The following GPR137B variants were observed in gnomAD, a reference collection of about 807,000 sequenced individuals.
GPR137B encodes integral membrane protein GPR137B.
A neutral mutation model predicts 42.5 loss-of-function variants in GPR137B; 42 were observed. The ratio of observed to expected loss-of-function variants is 0.99; its 90% CI spans 0.77 to 1.28. The LOEUF is 1.28. Among genes scored for constraint, GPR137B ranks in the 50% most tolerant of loss-of-function variants. GPR137B has a pLI of 0.00. For missense variants in GPR137B, 487 were observed against 493.9 expected, an observed-to-expected ratio of 0.99 and a Z score of 0.13; for synonymous variants, 218 against 209.7, an observed-to-expected ratio of 1.04 and a Z score of -0.34.
Position 236,142,805 on chromosome 1 carries a change from CG to C in GPR137B, c.184del (p.Val62CysfsTer70), listed in dbSNP as rs762063403. ...FYALLFVFIY[V>X]QLWLVLRYRH... is the part of the protein sequence containing the mutation. ...ACGCGCTGCTCTTCGTGTTCATCTA[CG>C]TGCAGCTCTGGCTGGTGCTGCGTTA... is the stretch of plus-strand genomic sequence containing the variant. On this transcript the variant is annotated frameshift_variant, in exon 1 of 7. Transcript: ENST00000366592. LOFTEE classifies it high-confidence loss of function. The C allele has an allele frequency of 2.9e-5, 47 of 1,613,946 alleles. No individual in the cohort carries two copies. The South Asian group carries it at 4.9e-4, about 17-fold the overall frequency.
rs751224878 is a variant in GPR137B at position 236,155,552 on chromosome 1, G to A, written c.414+12516G>A. ...TGGGAGGTGTGCTCTCTAGAGTCCC[G>A]TCTCCTCGCGGGCTGCCTGCTGGGC... is the stretch of plus-strand genomic sequence containing the variant. On this transcript the variant is annotated intron_variant, in intron 1 of 6. Coordinates refer to ENST00000366592, the MANE Select transcript of GPR137B (RefSeq NM_003272.4). The surrounding 1 kb of genome is among the most constrained non-coding windows in gnomAD (Gnocchi z 4.6). Among the ~76,000 whole-genome samples, 68 of 152,104 alleles carry A rather than the reference G, an allele frequency of 4.5e-4. No homozygotes were observed. Among genetic ancestry groups the A allele is most frequent in the Non-Finnish European group, 5.0e-4 (34 of 68,006 alleles).
At chr1:236,190,799 G>C (rs1159724596) in intron 5 of GPR137B, among the ~76,000 whole-genome samples, 1 of 149,984 alleles carries the variant, frequency 6.7e-6, no homozygotes, top group African/African-American at 2.4e-5. Flanking sequence ...TGAATCTGAC[G>C]ATTATGTGTC....
chr1:236,151,820 C>T (rs1172685882), intron 1 of GPR137B, among the ~76,000 whole-genome samples: 2 of 152,162 alleles, frequency 1.3e-5, no homozygotes, highest in East Asian at 3.9e-4. Context: ...GTGGGGTTGG[C>T]TCTGTGGGCT....
At chr1:236,146,536 C>T (rs780075192) in intron 1 of GPR137B, among the ~76,000 whole-genome samples, 3 of 152,184 alleles carry the variant, frequency 2.0e-5, no homozygotes, top group Non-Finnish European at 4.4e-5. Context: ...ACTCATCTCA[C>T]CCTCCCTGGT....
intron 1 of GPR137B, among the ~76,000 whole-genome samples, chr1:236,148,989 G>C (rs1242689462): frequency 6.6e-6 from 1 of 152,128 alleles, no homozygotes; most frequent in South Asian, 2.1e-4. Context: ...GTCGGAGTGG[G>C]TTAAAGGAGA....
At chr1:236,180,723 TCTC>T (rs1417385893) in intron 4 of GPR137B, among the ~76,000 whole-genome samples, 1 of 151,776 alleles carries the variant, frequency 6.6e-6, no homozygotes, top group Non-Finnish European at 1.5e-5. Context: ...TTCAAGCAAT[TCTC>T]CTGCGTCAGC....
At chr1:236,166,824 CTTTT>C (rs1163708767) in intron 1 of GPR137B, among the ~76,000 whole-genome samples, 1 of 151,990 alleles carries the variant, frequency 6.6e-6, no homozygotes, top group African/African-American at 2.4e-5. Flanking sequence ...TCTTATGGTT[CTTTT>C]TTTAAGAGCT....
At chr1:236,201,251 G>A (rs1359050566) in intron 5 of GPR137B, among the ~76,000 whole-genome samples, 3 of 151,966 alleles carry the variant, frequency 2.0e-5, no homozygotes, top group African/African-American at 7.3e-5. Context: ...TAGATAACCT[G>A]ACTGTGCCTG....
At chr1:236,201,651 T>C (rs1663498085) in intron 5 of GPR137B, among the ~76,000 whole-genome samples, 1 of 152,044 alleles carries the variant, frequency 6.6e-6, no homozygotes, top group South Asian at 2.1e-4. Context: ...TGGAGACATT[T>C]TCATCCATAT....
chr1:236,163,894 C>T (rs997367972), intron 1 of GPR137B, among the ~76,000 whole-genome samples: 4 of 151,752 alleles, frequency 2.6e-5, no homozygotes, highest in African/African-American at 4.8e-5. Flanking sequence ...TACTGCCTCA[C>T]ACTTCCCACA....
intron 1 of GPR137B, among the ~76,000 whole-genome samples, chr1:236,154,029 C>G (rs1468507313): frequency 6.6e-6 from 1 of 151,992 alleles, no homozygotes; most frequent in Admixed American, 6.6e-5. Flanking sequence ...CTCCTAGGGC[C>G]CCTTCCTTGG....
intron 5 of GPR137B, among the ~76,000 whole-genome samples, chr1:236,192,895 T>A (rs1663234564): frequency 2.4e-5 from 3 of 123,346 alleles, no homozygotes; most frequent in Non-Finnish European, 4.8e-5. Flanking sequence ...AAGCTTTTTT[T>A]GTTTGTTTGT....
At chr1:236,187,778 T>C (rs1277905897) in intron 5 of GPR137B, among the ~76,000 whole-genome samples, 1 of 151,942 alleles carries the variant, frequency 6.6e-6, no homozygotes, top group Non-Finnish European at 1.5e-5. Context: ...CCTCCAGCTT[T>C]GTTCTTTTTG....
chr1:236,178,790 T>TTTTTTG (rs1558488559), intron 3 of GPR137B, among the ~76,000 whole-genome samples, 154 bp downstream of exon 3: 2 of 62,338 alleles, frequency 3.2e-5, no homozygotes, highest in African/African-American at 7.1e-5. Flanking sequence ...TCGAGGTTTT[T>TTTTTTG]TTTTTTTTTT....
chr1:236,177,023 G>A (rs1323318586), intron 2 of GPR137B, among the ~76,000 whole-genome samples: 1 of 152,166 alleles, frequency 6.6e-6, no homozygotes, highest in Admixed American at 6.5e-5. Context: ...AGGGTCAGGG[G>A]TGTGTTTGCT....
At chr1:236,144,462 T>A (rs375841556) in intron 1 of GPR137B, among the ~76,000 whole-genome samples, 2 of 152,294 alleles carry the variant, frequency 1.3e-5, no homozygotes, top group South Asian at 2.1e-4. Context: ...AAAGGATTGC[T>A]CTGGTACAGT....
chr1:236,152,708 C>T (rs1315806674), intron 1 of GPR137B, among the ~76,000 whole-genome samples: 4 of 146,994 alleles, frequency 2.7e-5, no homozygotes, highest in African/African-American at 7.6e-5. Flanking sequence ...GAGCCAAGAT[C>T]GCACCGTTGC....
At chr1:236,200,273 T>C (rs533638865) in intron 5 of GPR137B, among the ~76,000 whole-genome samples, 1 of 152,186 alleles carries the variant, frequency 6.6e-6, no homozygotes, top group East Asian at 1.9e-4. Flanking sequence ...GCCTATCATA[T>C]GGTCTATCTT....
At chr1:236,153,524 G>T (rs1039568048) in intron 1 of GPR137B, among the ~76,000 whole-genome samples, 1 of 152,088 alleles carries the variant, frequency 6.6e-6, no homozygotes, top group African/African-American at 2.4e-5. Context: ...CCATTCATCC[G>T]TTGATGGACA....
Sources: gnomAD v4.1 joint callset for allele counts (sites outside exome capture counted in the v4.1 genomes callset) on GRCh38, gnomAD v4.1.1 for gene constraint, Gnocchi (gnomAD v3.1) non-coding constraint, MANE v1.5 for transcripts, NCBI Gene and HGNC (gene_info 2026-07-23, HGNC 2026-07-21) for gene names.